Variants in CSMD1 observed in about 807,000 individuals in gnomAD.
CSMD1 encodes CUB and Sushi multiple domains 1, also known as CUB and sushi domain-containing protein 1.
In CSMD1, 213 loss-of-function variants were observed where a neutral mutation model predicts 417.5. The ratio of observed to expected loss-of-function variants is 0.51; its 90% CI spans 0.46 to 0.57. The LOEUF (loss-of-function observed/expected upper bound fraction) is 0.57. Ranked by LOEUF, CSMD1 falls within the 20% of genes least tolerant of loss-of-function variation. CSMD1 has a pLI of 0.00. For missense variants in CSMD1, 6,923 were observed against 4,529.7 expected (o/e 1.53, Z -15.17); for synonymous variants, 2,862 against 1,736.8 (o/e 1.65, Z -16.11).
chr8:3,781,719 G>A (rs76269690), intron 5 of CSMD1, among the ~76,000 whole-genome samples: 1,823 of 152,294 alleles, frequency 0.012, 18 homozygotes, highest in Middle Eastern at 0.031. Flanking sequence ...GTGTCCCCAT[G>A]TGAGGGGGCC....
chr8:2,999,359 G>A (rs894739929), intron 53 of CSMD1, among the ~76,000 whole-genome samples: 1 of 151,836 alleles, frequency 6.6e-6, no homozygotes, highest in South Asian at 2.1e-4. Context: ...TTTTGCCATC[G>A]GCCAGGCTCG....
At chr8:4,932,763 A>C (rs568181307) in intron 1 of CSMD1, among the ~76,000 whole-genome samples, 13 of 152,296 alleles carry the variant, frequency 8.5e-5, no homozygotes, top group Admixed American at 4.6e-4. Context: ...CCAAGCTTAC[A>C]CTGACTTAAA....
intron 25 of CSMD1, among the ~76,000 whole-genome samples, chr8:3,294,929 G>C (rs994069808): frequency 6.6e-6 from 1 of 152,042 alleles, no homozygotes; most frequent in Non-Finnish European, 1.5e-5. Context: ...GCTGGGAGCT[G>C]TAGACTGGAG....
At chr8:4,040,968 G>T (rs1391326632) in intron 3 of CSMD1, among the ~76,000 whole-genome samples, 4 of 149,858 alleles carry the variant, frequency 2.7e-5, no homozygotes, top group Non-Finnish European at 5.9e-5. Flanking sequence ...GACTTCACTA[G>T]TGAATCCTCA....
At chr8:3,160,646 G>C (rs1819828946) in intron 38 of CSMD1, among the ~76,000 whole-genome samples, 4 of 152,172 alleles carry the variant, frequency 2.6e-5, no homozygotes, top group Admixed American at 6.5e-5. Flanking sequence ...TAATGTAAGT[G>C]GTAGGTTTGT....
At chr8:4,429,181 G>C (rs1013330791) in intron 2 of CSMD1, among the ~76,000 whole-genome samples, 4 of 150,874 alleles carry the variant, frequency 2.7e-5, no homozygotes, top group Admixed American at 1.3e-4. Context: ...TATATAATTG[G>C]ATAGAATTCT....
chr8:4,842,490 T>C lies in CSMD1; in HGVS notation c.85+151842A>G, dbSNP rs116526940. On this transcript the variant is annotated intron_variant, in intron 1 of 69. Transcript: ENST00000635120. ...ATGAGTTGTCAGATGCAATGGATAG[T>C]TTCAGGAAATGACTTACTAAAAAAT... 7.8e-3 allele frequency among the ~76,000 whole-genome samples: 1,185 copies of C among 152,310 alleles called. 20 individuals carry two copies. Among genetic ancestry groups the C allele is most frequent in the African/African-American group, 0.027 (1,142 of 41,578 alleles).
chr8:4,009,368 G>A (rs542771169), intron 4 of CSMD1, among the ~76,000 whole-genome samples: 84 of 152,216 alleles, frequency 5.5e-4, no homozygotes, highest in Non-Finnish European at 9.4e-4. Flanking sequence ...ATACAGAATA[G>A]AACATTACTT....
intron 46 of CSMD1, among the ~76,000 whole-genome samples, chr8:3,100,180 T>A (rs1258829279): frequency 2.0e-5 from 3 of 151,980 alleles, no homozygotes; most frequent in African/African-American, 4.8e-5. Context: ...GCTGCCCGAG[T>A]AGCTGGGACT....
chr8:3,493,383 C>T (rs1430077475), intron 11 of CSMD1, among the ~76,000 whole-genome samples: 1 of 151,276 alleles, frequency 6.6e-6, no homozygotes, highest in East Asian at 1.9e-4. Context: ...AATTTTTTGC[C>T]ATAAACATAT....
At chr8:4,275,383 A>G (rs916296246) in intron 3 of CSMD1, among the ~76,000 whole-genome samples, 1 of 152,162 alleles carries the variant, frequency 6.6e-6, no homozygotes, top group African/African-American at 2.4e-5. Context: ...AATCATCTTT[A>G]ATGTTTTAAA....
chr8:4,757,706 C>A (rs1401345007), intron 1 of CSMD1, among the ~76,000 whole-genome samples: 1 of 152,070 alleles, frequency 6.6e-6, no homozygotes, highest in East Asian at 1.9e-4. Flanking sequence ...TGTCTGTAAT[C>A]CTATCACTTT....
At chr8:3,895,844 C>G (rs1426467447) in intron 5 of CSMD1, among the ~76,000 whole-genome samples, 1 of 152,200 alleles carries the variant, frequency 6.6e-6, no homozygotes, top group Non-Finnish European at 1.5e-5. Context: ...TGGCTTGTTC[C>G]CTTCCAGACA....
At chr8:3,273,089 A>G (rs557706136) in intron 26 of CSMD1, among the ~76,000 whole-genome samples, 1 of 152,134 alleles carries the variant, frequency 6.6e-6, no homozygotes, top group East Asian at 1.9e-4. Context: ...AGCTCTTATT[A>G]TTTTGAGATA....
intron 5 of CSMD1, among the ~76,000 whole-genome samples, chr8:3,832,032 C>T (rs75342865): frequency 0.015 from 2,287 of 152,254 alleles, 52 homozygotes; most frequent in African/African-American, 0.051. Context: ...TCCTTCTCTG[C>T]GTTGCTCTTA....
intron 4 of CSMD1, among the ~76,000 whole-genome samples, chr8:4,023,294 T>A (rs1796880123): frequency 6.6e-6 from 1 of 152,214 alleles, no homozygotes; most frequent in Admixed American, 6.5e-5. Context: ...TGAGACTCAT[T>A]TTGAATTTAA....
chr8:3,566,503 C>G (rs1379379635), intron 10 of CSMD1, among the ~76,000 whole-genome samples: 1 of 151,654 alleles, frequency 6.6e-6, no homozygotes, highest in Non-Finnish European at 1.5e-5. Flanking sequence ...TGTCAGTGTG[C>G]TCAGCCCCGG....
intron 12 of CSMD1, among the ~76,000 whole-genome samples, chr8:3,422,114 A>G (rs1457273560): frequency 6.6e-6 from 1 of 151,980 alleles, no homozygotes; most frequent in Non-Finnish European, 1.5e-5. Context: ...CTAGATGATC[A>G]ATGAAATCTC....
intron 1 of CSMD1, among the ~76,000 whole-genome samples, chr8:4,682,613 T>C (rs964306843): frequency 1.3e-5 from 2 of 152,100 alleles, no homozygotes; most frequent in Non-Finnish European, 2.9e-5. Flanking sequence ...TCTAAGGACA[T>C]AGGCTTCTTA....
Sources: gnomAD v4.1 joint callset for allele counts (sites outside exome capture counted in the v4.1 genomes callset) on GRCh38, gnomAD v4.1.1 for gene constraint, MANE v1.5 for transcripts, NCBI Gene and HGNC (gene_info 2026-07-23, HGNC 2026-07-21) for gene names.